Variants in TMEM273 observed in about 807,000 individuals in gnomAD.
The protein encoded by TMEM273 is transmembrane protein 273, also known as chromosome 10 open reading frame 128.
Under a neutral mutation model 17.9 loss-of-function variants are expected in TMEM273, and 19 were observed. The ratio of observed to expected loss-of-function variants is 1.06; its 90% CI spans 0.74 to 1.55. The LOEUF is 1.55. Among genes scored for constraint, TMEM273 ranks in the 40% most tolerant of loss-of-function variants. The pLI is 0.00. For missense variants in TMEM273, 194 were observed against 155.6 expected, an observed-to-expected ratio of 1.25 and a Z score of -1.31; for synonymous variants, 66 against 62.0, an observed-to-expected ratio of 1.07 and a Z score of -0.31.
At chr10:49,169,771 G>A (rs72789080) in intron 1 of TMEM273, among the ~76,000 whole-genome samples, 4,176 of 152,280 alleles carry the variant, frequency 0.027, 72 homozygotes, top group Non-Finnish European at 0.042. Context: ...CGGACATGGG[G>A]CAAAGGCTTA....
intron 1 of TMEM273, among the ~76,000 whole-genome samples, chr10:49,176,163 T>C (rs923546119): frequency 5.9e-5 from 9 of 151,634 alleles, no homozygotes; most frequent in African/African-American, 2.2e-4. Flanking sequence ...GTGCACAGAG[T>C]GAGGTGCAGG....
At chr10:49,160,921 C>T (rs901312781) in intron 6 of TMEM273, 1 of 151,954 alleles carries the variant, frequency 6.6e-6, no homozygotes, top group Admixed American at 6.6e-5. Flanking sequence ...AAGAGATTGC[C>T]CCAGGCCTGT....
At chr10:49,171,297 T>C (rs1338920578) in intron 1 of TMEM273, among the ~76,000 whole-genome samples, 1 of 147,264 alleles carries the variant, frequency 6.8e-6, no homozygotes, top group Non-Finnish European at 1.5e-5. Flanking sequence ...CCTTGAACTG[T>C]TCACACTGGG....
intron 6 of TMEM273, among the ~76,000 whole-genome samples, chr10:49,158,643 T>G (rs549761212): frequency 1.3e-5 from 2 of 152,256 alleles, no homozygotes; most frequent in South Asian, 4.1e-4. Flanking sequence ...TCTCAGCACA[T>G]GAATAACCGC....
At chr10:49,184,956 T>G (rs1847574652) in intron 1 of TMEM273, among the ~76,000 whole-genome samples, 2 of 152,216 alleles carry the variant, frequency 1.3e-5, no homozygotes, top group South Asian at 2.1e-4. Context: ...TCAGAACGGG[T>G]AGATAATGCA....
intron 1 of TMEM273, among the ~76,000 whole-genome samples, chr10:49,172,607 A>C (rs980287012): frequency 6.6e-6 from 1 of 152,194 alleles, no homozygotes; most frequent in Non-Finnish European, 1.5e-5. Flanking sequence ...GTAGGAGGGA[A>C]GGATATTTGG....
chr10:49,175,694 C>T (rs750205207), intron 1 of TMEM273, among the ~76,000 whole-genome samples: 5 of 152,250 alleles, frequency 3.3e-5, no homozygotes, highest in Non-Finnish European at 7.3e-5. Context: ...GGGCTAGGAG[C>T]TCCTCCAAGG....
intron 1 of TMEM273, among the ~76,000 whole-genome samples, chr10:49,169,949 G>T (rs966793589): frequency 1.3e-5 from 2 of 152,232 alleles, no homozygotes; most frequent in Admixed American, 1.3e-4. Flanking sequence ...GGAGGGCAGG[G>T]CCTCAGTGGG....
intron 1 of TMEM273, among the ~76,000 whole-genome samples, chr10:49,185,438 G>A (rs765657473): frequency 6.6e-6 from 1 of 151,908 alleles, no homozygotes; most frequent in Admixed American, 6.6e-5. Flanking sequence ...TACACCCTGG[G>A]TGACTGGCCT....
chr10:49,175,998 G>A (rs1349879753), intron 1 of TMEM273, among the ~76,000 whole-genome samples: 1 of 152,238 alleles, frequency 6.6e-6, no homozygotes, highest in Non-Finnish European at 1.5e-5. Flanking sequence ...CTCCCATGGT[G>A]GGTGGGAGGG....
intron 1 of TMEM273, 88 bp downstream of exon 1, chr10:49,188,206 G>A: frequency 7.1e-7 from 1 of 1,408,826 alleles, no homozygotes; most frequent in South Asian, 1.2e-5. Context: ...TTATGTTTTA[G>A]GGATCAAGCC....
intron 2 of TMEM273, among the ~76,000 whole-genome samples, chr10:49,167,389 G>A (rs1029031408): frequency 6.6e-6 from 1 of 152,264 alleles, no homozygotes; most frequent in Admixed American, 6.5e-5. Context: ...CACTGCAGGA[G>A]AATGGATAAG....
chr10:49,177,519 G>T (rs180712424), intron 1 of TMEM273, among the ~76,000 whole-genome samples: 1 of 152,304 alleles, frequency 6.6e-6, no homozygotes, highest in African/African-American at 2.4e-5. Context: ...TCAGGACAAG[G>T]GCCTCTCTTG....
intron 2 of TMEM273, among the ~76,000 whole-genome samples, 190 bp downstream of exon 2, chr10:49,167,719 C>G (rs1846285849): frequency 1.3e-5 from 2 of 152,214 alleles, no homozygotes; most frequent in South Asian, 4.1e-4. Context: ...TGTGGACGAG[C>G]TTTAATGCAA....
intron 6 of TMEM273, chr10:49,160,720 T>C (rs1348875152): frequency 6.6e-6 from 1 of 150,796 alleles, no homozygotes; most frequent in African/African-American, 2.4e-5. Context: ...TATTCAGGGG[T>C]GAAATATCAT....
chr10:49,176,967 C>G (rs904536009), intron 1 of TMEM273, among the ~76,000 whole-genome samples: 2 of 152,234 alleles, frequency 1.3e-5, no homozygotes, highest in African/African-American at 4.8e-5. Context: ...GCCGAAGTCC[C>G]CCTGACCCCA....
Position 49,156,758 on chromosome 10 carries a change from A to G in TMEM273, c.373-849T>C, listed in dbSNP as rs533927028. On this transcript the variant is annotated intron_variant, in intron 6 of 6. Transcript: ENST00000374153. ...AGCCACGTCAAAGGCCATAAAACAGACAGCACATATTTGACTACCCCATAT... is the reference window on the plus strand; with the variant it reads ...AGCCACGTCAAAGGCCATAAAACAGGCAGCACATATTTGACTACCCCATAT... Among the ~76,000 whole-genome samples, 8 of 152,344 alleles carry G rather than the reference A, an allele frequency of 5.3e-5. No individual in the cohort carries two copies. The South Asian group carries it at 1.5e-3, about 28-fold the overall frequency.
intron 5 of TMEM273, among the ~76,000 whole-genome samples, chr10:49,163,306 TGAGAGAGA>T (rs3080161): frequency 1.4e-5 from 2 of 147,764 alleles, no homozygotes; most frequent in African/African-American, 2.5e-5. Flanking sequence ...TGTGTGTGTG[TGAGAGAGA>T]GAGAGAGAGA....
At chr10:49,185,013 C>T (rs763038218) in intron 1 of TMEM273, among the ~76,000 whole-genome samples, 6 of 152,092 alleles carry the variant, frequency 3.9e-5, no homozygotes, top group Non-Finnish European at 7.4e-5. Flanking sequence ...TTAACAGCTG[C>T]AAAGTAACCC....
Sources: allele counts gnomAD v4.1 joint callset (sites outside exome capture counted in the v4.1 genomes callset), GRCh38; gene constraint gnomAD v4.1.1; transcripts MANE v1.5; gene names NCBI Gene and HGNC (gene_info 2026-07-23, HGNC 2026-07-21).